Variants in TPST2 observed in about 807,000 individuals in gnomAD.
The protein encoded by TPST2 is tyrosylprotein sulfotransferase 2, also known as protein-tyrosine sulfotransferase 2.
A neutral mutation model predicts 27.8 loss-of-function variants in TPST2; 16 were observed. The observed-to-expected ratio is 0.58, with a 90% CI of 0.39 to 0.88. The LOEUF (loss-of-function observed/expected upper bound fraction) is 0.88. Among genes scored for constraint, TPST2 ranks in the 40% least tolerant of loss-of-function variants. TPST2 has a pLI of 0.00. For synonymous variants in TPST2, 229 were observed against 231.7 expected, an observed-to-expected ratio of 0.99 and a Z score of 0.10; for missense variants, 464 against 543.1, an observed-to-expected ratio of 0.85 and a Z score of 1.45.
intron 1 of TPST2, among the ~76,000 whole-genome samples, chr22:26,577,074 C>T (rs112976633): frequency 0.025 from 3,398 of 133,514 alleles, 103 homozygotes; most frequent in African/African-American, 0.079. Context: ...CCAGCCTGGG[C>T]GACAGAACGA....
chr22:26,581,660 T>C (rs1928116502), intron 1 of TPST2, among the ~76,000 whole-genome samples: 1 of 152,220 alleles, frequency 6.6e-6, no homozygotes, highest in Admixed American at 6.5e-5. Context: ...GACAGTAGTA[T>C]TGCCTATGAT....
intron 1 of TPST2, among the ~76,000 whole-genome samples, chr22:26,585,355 C>CG (rs397830136): frequency 6.6e-6 from 1 of 151,842 alleles, no homozygotes; most frequent in Non-Finnish European, 1.5e-5. Flanking sequence ...TGGGCACTGC[C>CG]TCTGAGGTCC....
chr22:26,550,944 G>T (rs1229386876), intron 1 of TPST2, among the ~76,000 whole-genome samples: 3 of 152,172 alleles, frequency 2.0e-5, no homozygotes, highest in African/African-American at 7.2e-5. Context: ...TGGTTCAAGA[G>T]GGAAAAAGGG....
At chr22:26,570,705 C>T (rs1258566194) in intron 1 of TPST2, among the ~76,000 whole-genome samples, 4 of 151,928 alleles carry the variant, frequency 2.6e-5, no homozygotes, top group Non-Finnish European at 4.4e-5. Context: ...GGTGTTGAGC[C>T]TGGTCCTTTC....
chr22:26,538,593 G>A (rs896565630), intron 3 of TPST2, among the ~76,000 whole-genome samples: 10 of 152,088 alleles, frequency 6.6e-5, no homozygotes, highest in Admixed American at 1.3e-4. Context: ...AGGCTGAGGC[G>A]GGCAGATCAC....
chr22:26,535,909 G>A (rs4149472), intron 4 of TPST2: 20,955 of 363,504 alleles, frequency 0.058, 745 homozygotes, highest in East Asian at 0.075. Context: ...ACAAGAAAGG[G>A]ACCAATAGTT....
At chr22:26,535,077 T>C (rs1041503878) in intron 4 of TPST2, among the ~76,000 whole-genome samples, 6 of 152,222 alleles carry the variant, frequency 3.9e-5, no homozygotes, top group Non-Finnish European at 8.8e-5. Context: ...AGCTCAGCGT[T>C]AGTAAATTCT....
rs760474396 is a variant in TPST2 at position 26,536,290 on chromosome 22, G to T, written c.1039C>A (p.Arg347=). The T allele has an allele frequency of 2.5e-6, 4 of 1,614,110 alleles. No homozygotes were observed. Among genetic ancestry groups the T allele is most frequent in the Non-Finnish European group, 3.4e-6 (4 of 1,180,018 alleles). The part of the protein sequence containing the change: ...PDPFVINNTQ[R]VLKGDYKTPA... Reference sequence around the variant, plus strand: ...CACAAGTACAGGTGCACACTCACCCGCTGTGTGTTGTTGATGACGAAGGGG... The same window carrying T: ...CACAAGTACAGGTGCACACTCACCCTCTGTGTGTTGTTGATGACGAAGGGG... The change falls in exon 4 of 7, where the codon CGG becomes AGG. Residue 347 remains arginine, a splice_region_variant and synonymous_variant. Coordinates refer to ENST00000338754, the MANE Select transcript of TPST2 (RefSeq NM_003595.5).
chr22:26,544,562 G>C, intron 2 of TPST2, 42 bp downstream of exon 2: 2 of 979,464 alleles, frequency 2.0e-6, no homozygotes, highest in Middle Eastern at 5.3e-4. Context: ...GGTCTCAGGA[G>C]GGGCCAGGAC....
Position 26,541,640 on chromosome 22 carries a change from G to C in TPST2, c.-10C>G. On this transcript the variant is annotated 5_prime_UTR_variant, in exon 3 of 7. Coordinates refer to ENST00000338754, the MANE Select transcript of TPST2 (RefSeq NM_003595.5). This position sits in a 1 kb window ranked among gnomAD's most constrained non-coding sequence, Gnocchi z 5.9. ...GCACCGACAGGCGCATGCTGGGCCG[G>C]AGGCAGGGTAGGCCTGGCCTGAGGG... is the stretch of plus-strand genomic sequence containing the variant. 3.9e-6 allele frequency: 6 copies of C among 1,555,348 alleles called. No individual in the cohort carries two copies. The highest frequency in any genetic ancestry group is 5.2e-6 in the Non-Finnish European group (6 of 1,156,966).
intron 1 of TPST2, among the ~76,000 whole-genome samples, chr22:26,556,831 C>T (rs929761451): frequency 3.3e-5 from 5 of 152,186 alleles, no homozygotes; most frequent in Non-Finnish European, 5.9e-5. Flanking sequence ...CGTTTCCTCG[C>T]CCCACCATCA....
intron 1 of TPST2, among the ~76,000 whole-genome samples, chr22:26,575,079 G>A (rs1287968865): frequency 2.0e-5 from 3 of 152,040 alleles, no homozygotes; most frequent in Non-Finnish European, 4.4e-5. Context: ...CTAGATGCAG[G>A]GGTAAGAATC....
In TPST2 at chr22:26,541,343, G is replaced by A. The variant is rs140030341; in HGVS notation, c.288C>T (p.Cys96=). The A allele has an allele frequency of 1.6e-4, 243 of 1,549,964 alleles. 3 individuals are homozygous for A. The African/African-American group carries it at 3.1e-3, about 20-fold the overall frequency. The change falls in exon 3 of 7, where the codon TGC becomes TGT. Residue 96 remains cysteine, a synonymous_variant. Coordinates refer to ENST00000338754, the MANE Select transcript of TPST2 (RefSeq NM_003595.5). The surrounding 1 kb of genome is among the most constrained non-coding windows in gnomAD (Gnocchi z 5.9). The part of the protein sequence containing the change: ...AMLDAHPEVR[C]GEETRIIPRV... ...GCGGGATGATGCGGGTCTCCTCGCCGCAGCGCACCTCGGGGTGCGCGTCCA... is the reference window on the plus strand; with the variant it reads ...GCGGGATGATGCGGGTCTCCTCGCCACAGCGCACCTCGGGGTGCGCGTCCA...
intron 2 of TPST2, among the ~76,000 whole-genome samples, chr22:26,542,808 A>C (rs1256484538): frequency 6.6e-6 from 1 of 152,156 alleles, no homozygotes; most frequent in Non-Finnish European, 1.5e-5. Flanking sequence ...TAGTGAACGG[A>C]GGGTTTGGTG....
intron 5 of TPST2, among the ~76,000 whole-genome samples, chr22:26,529,557 G>A (rs6005068): frequency 6.6e-6 from 1 of 152,210 alleles, no homozygotes; most frequent in Non-Finnish European, 1.5e-5. Flanking sequence ...GATTTAATCA[G>A]TCATGCCTCT....
intron 1 of TPST2, among the ~76,000 whole-genome samples, chr22:26,564,928 T>A (rs1190147070): frequency 6.6e-6 from 1 of 152,150 alleles, no homozygotes; most frequent in African/African-American, 2.4e-5. Flanking sequence ...AGCCTCCACT[T>A]TCTCAGCAGT....
At chr22:26,560,758 A>G in intron 1 of TPST2, 1 of 1,177,714 alleles carries the variant, frequency 8.5e-7, no homozygotes, top group East Asian at 2.3e-5. Flanking sequence ...ATGAAAACCT[A>G]TATCCCTCCC....
intron 1 of TPST2, among the ~76,000 whole-genome samples, chr22:26,582,352 G>C (rs1291947946): frequency 6.6e-6 from 1 of 152,092 alleles, no homozygotes; most frequent in Non-Finnish European, 1.5e-5. Context: ...GCTTGAACCC[G>C]GGAGGCAGAG....
chr22:26,579,776 G>GA (rs530207848), intron 1 of TPST2, among the ~76,000 whole-genome samples: 8 of 151,962 alleles, frequency 5.3e-5, no homozygotes, highest in African/African-American at 1.7e-4. Context: ...GACAGAGAGA[G>GA]AAAAAAACAG....
Sources: gnomAD v4.1 joint callset for allele counts (sites outside exome capture counted in the v4.1 genomes callset) on GRCh38, gnomAD v4.1.1 for gene constraint, Gnocchi (gnomAD v3.1) non-coding constraint, MANE v1.5 for transcripts, NCBI Gene and HGNC (gene_info 2026-07-23, HGNC 2026-07-21) for gene names.